DZIP1L: variants seen among roughly 807,000 people sequenced by gnomAD.
The protein encoded by DZIP1L is DAZ interacting zinc finger protein 1 like, also known as cilium assembly protein DZIP1L.
In DZIP1L, 90 loss-of-function variants were observed where a neutral mutation model predicts 88.7. That is an observed-to-expected ratio of 1.02 (90% CI 0.86 to 1.21). DZIP1L has a LOEUF of 1.21. DZIP1L is among the 50% of genes most tolerant of loss of function. The pLI is 0.00. For missense variants in DZIP1L, 932 were observed against 955.8 expected (o/e 0.98, Z 0.33); for synonymous variants, 363 against 372.1 (o/e 0.98, Z 0.28).
intron 1 of DZIP1L, among the ~76,000 whole-genome samples, chr3:138,105,767 A>T (rs948996079): frequency 6.6e-6 from 1 of 152,146 alleles, no homozygotes; most frequent in African/African-American, 2.4e-5. Context: ...TGAAAGACTC[A>T]TATTTGTTAT....
rs1349943938 is a variant in DZIP1L at position 138,068,321 on chromosome 3, C to T, written c.1662G>A (p.Lys554=). ...STLVTREAQP[K]TRTLQVALPS... Reference sequence around the variant, plus strand: ...GCAAGGCCACCTGCAGGGTCCTGGTCTTTGGCTGGGCCTCTCTGGTGACCA... The same window carrying T: ...GCAAGGCCACCTGCAGGGTCCTGGTTTTTGGCTGGGCCTCTCTGGTGACCA... Residue 554 remains lysine, a synonymous_variant, in exon 13 of 16, where the codon AAG becomes AAA. Transcript: ENST00000327532. The T allele has an allele frequency of 1.3e-6, 2 of 1,587,954 alleles. No individual in the cohort carries two copies. Among genetic ancestry groups the T allele is most frequent in the South Asian group, 2.3e-5 (2 of 87,390 alleles).
Position 138,092,453 on chromosome 3 carries a change from A to C in DZIP1L, c.800T>G (p.Ile267Arg), listed in dbSNP as rs553559481. 1 of 1,607,482 alleles carries C rather than the reference A, an allele frequency of 6.2e-7. No individual in the cohort carries two copies. Among genetic ancestry groups the C allele is most frequent in the South Asian group, 1.1e-5 (1 of 88,974 alleles). The change falls in exon 5 of 16, where the codon ATA (isoleucine) becomes AGA (arginine). Residue 267 changes from isoleucine to arginine, a missense_variant. Coordinates refer to ENST00000327532, the MANE Select transcript of DZIP1L (RefSeq NM_173543.3). ...CCAAAATAATTTTTTTAGTTTATCTATTTCCCCATAAAGTTTGGTCCACTC... is the reference window on the plus strand; with the variant it reads ...CCAAAATAATTTTTTTAGTTTATCTCTTTCCCCATAAAGTTTGGTCCACTC... ...EQEWTKLYGE[I>R]DKLKKLFWDE...
intron 11 of DZIP1L, among the ~76,000 whole-genome samples, chr3:138,075,775 C>T (rs61158387): frequency 3.3e-4 from 50 of 152,198 alleles, no homozygotes; most frequent in African/African-American, 1.1e-3. Flanking sequence ...ATCAGGAATT[C>T]GAGACCATCC....
At chr3:138,090,398 G>A (rs1027482063) in intron 5 of DZIP1L, among the ~76,000 whole-genome samples, 1 of 152,182 alleles carries the variant, frequency 6.6e-6, no homozygotes, top group East Asian at 1.9e-4. Context: ...CGTCGGGGAA[G>A]TGTGGGGGTC....
At position 138,063,667 on chromosome 3, in the gene DZIP1L, G is replaced by A. The variant is rs919853852; in HGVS notation, c.2143-690C>T. Among the ~76,000 whole-genome samples, 5 of 152,250 alleles carry A rather than the reference G, an allele frequency of 3.3e-5. No individual in the cohort carries two copies. The highest frequency in any genetic ancestry group is 7.3e-5 in the Non-Finnish European group (5 of 68,038). On this transcript the variant is annotated intron_variant, in intron 15 of 15. Coordinates refer to ENST00000327532, the MANE Select transcript of DZIP1L (RefSeq NM_173543.3). The surrounding 1 kb of genome is among the most constrained non-coding windows in gnomAD (Gnocchi z 4.1). ...GTAAGACCGACCAATCAGAACCCAT[G>A]CAGGGTGCAGGGCAGCAAGCATGCT... is the stretch of plus-strand genomic sequence containing the variant.
At chr3:138,107,151 G>C (rs1320009348) in intron 1 of DZIP1L, among the ~76,000 whole-genome samples, 1 of 152,210 alleles carries the variant, frequency 6.6e-6, no homozygotes, top group Non-Finnish European at 1.5e-5. Context: ...GGTTTCTGGA[G>C]TGGTTCAGTG....
At chr3:138,099,999 G>C (rs1039931486) in intron 2 of DZIP1L, among the ~76,000 whole-genome samples, 5 of 151,606 alleles carry the variant, frequency 3.3e-5, no homozygotes, top group Admixed American at 2.0e-4. Context: ...GCCCCACCCC[G>C]CAAATGACTT....
At chr3:138,097,917 T>C (rs1576488012) in intron 2 of DZIP1L, 70 bp from the exon 3 acceptor site, 34 of 1,371,558 alleles carry the variant, frequency 2.5e-5, no homozygotes, top group Non-Finnish European at 3.3e-5. Context: ...TTTCCCTATA[T>C]CAAAGCCCCC....
At chr3:138,100,820 C>A (rs1235175296) in intron 2 of DZIP1L, among the ~76,000 whole-genome samples, 1 of 152,210 alleles carries the variant, frequency 6.6e-6, no homozygotes, top group Non-Finnish European at 1.5e-5. Flanking sequence ...GGCCTAGCCA[C>A]CATGACAATT....
chr3:138,088,376 C>T lies in DZIP1L; in HGVS notation c.999+3G>A, dbSNP rs1490757285. On this transcript the variant is annotated splice_donor_region_variant and intron_variant, in intron 6 of 15. Transcript: ENST00000327532. ...GGAAGAAAGGCATGGAGCATCAGCT[C>T]ACCTGAATTTCTGTCTTCTCTCTCA... is the stretch of plus-strand genomic sequence containing the variant. 1 of 1,610,538 alleles carries T rather than the reference C, an allele frequency of 6.2e-7. No individual in the cohort carries two copies. Among genetic ancestry groups the T allele is most frequent in the African/African-American group, 1.3e-5 (1 of 74,976 alleles).
intron 11 of DZIP1L, among the ~76,000 whole-genome samples, chr3:138,072,096 T>G (rs557854799): frequency 1.3e-5 from 2 of 152,354 alleles, no homozygotes; most frequent in East Asian, 3.9e-4. Flanking sequence ...GTCACAATTC[T>G]GACCACATCA....
chr3:138,069,219 T>C, intron 12 of DZIP1L: 1 of 599,864 alleles, frequency 1.7e-6, no homozygotes. Context: ...CCACTTCCCC[T>C]TAATGAATAG....
chr3:138,113,919 A>G (rs1204617622), intron 1 of DZIP1L, among the ~76,000 whole-genome samples: 1 of 152,230 alleles, frequency 6.6e-6, no homozygotes, highest in Non-Finnish European at 1.5e-5. Flanking sequence ...TTTATTTAAA[A>G]TAAAAATAGG....
intron 15 of DZIP1L, chr3:138,064,403 T>G: frequency 6.9e-7 from 1 of 1,444,130 alleles, no homozygotes; most frequent in Non-Finnish European, 9.1e-7. Context: ...TGAGCATTGC[T>G]TATATAATGA....
intron 1 of DZIP1L, among the ~76,000 whole-genome samples, chr3:138,111,334 C>T (rs1336650112): frequency 9.2e-5 from 14 of 152,272 alleles, no homozygotes; most frequent in Non-Finnish European, 4.4e-5. Context: ...GCCACTCAGA[C>T]TTAGTAAATG....
In DZIP1L at chr3:138,102,412, T is replaced by C. The variant is rs2042348820; in HGVS notation, c.501+1059A>G. 61 of 1,379,874 alleles carry C rather than the reference T, an allele frequency of 4.4e-5. 1 individual carries two copies. In the South Asian group the frequency reaches 6.9e-4, roughly 16 times the overall value. 85.5% of individuals were successfully genotyped at this position (1,379,874 alleles called of 1,614,324 possible). On this transcript the variant is annotated intron_variant, in intron 2 of 15. Transcript: ENST00000327532. Reference sequence around the variant, plus strand: ...TTCTCGAAGTCCTCCACCCAGCCCCTGCATGTTGCCAAGCTCTGCCTTCAG... The same window carrying C: ...TTCTCGAAGTCCTCCACCCAGCCCCCGCATGTTGCCAAGCTCTGCCTTCAG...
chr3:138,101,406 C>A (rs959822976), intron 2 of DZIP1L: 6 of 704,218 alleles, frequency 8.5e-6, no homozygotes, highest in African/African-American at 7.0e-5. Flanking sequence ...TGCTACCCTG[C>A]ACAGCAGCCT....
intron 11 of DZIP1L, among the ~76,000 whole-genome samples, chr3:138,072,089 A>G (rs1473667366): frequency 6.6e-6 from 1 of 152,232 alleles, no homozygotes; most frequent in South Asian, 2.1e-4. Flanking sequence ...GGACTGCGTC[A>G]CAATTCTGAC....
intron 3 of DZIP1L, among the ~76,000 whole-genome samples, chr3:138,097,217 T>G (rs1487546523): frequency 2.6e-5 from 4 of 151,650 alleles, no homozygotes; most frequent in Non-Finnish European, 5.9e-5. Flanking sequence ...AAAGTGAATG[T>G]AAAATATGCA....
Sources: gnomAD v4.1 joint callset for allele counts (sites outside exome capture counted in the v4.1 genomes callset) on GRCh38, gnomAD v4.1.1 for gene constraint, Gnocchi (gnomAD v3.1) non-coding constraint, MANE v1.5 for transcripts, NCBI Gene and HGNC (gene_info 2026-07-23, HGNC 2026-07-21) for gene names.